The following PTPRH variants were observed in gnomAD, a reference collection of about 807,000 sequenced individuals.
PTPRH encodes the protein protein tyrosine phosphatase receptor type H, also known as receptor-type tyrosine-protein phosphatase H.
Under a neutral mutation model 130.2 loss-of-function variants are expected in PTPRH, and 113 were observed. That is an observed-to-expected ratio of 0.87 (90% confidence interval 0.75 to 1.01). The LOEUF is 1.01. Among genes scored for constraint, PTPRH ranks in the 50% least tolerant of loss-of-function variants. The pLI, the probability that PTPRH is intolerant of heterozygous loss-of-function variation, is 0.00. For synonymous variants in PTPRH, 556 were observed against 577.9 expected, an observed-to-expected ratio of 0.96 and a Z score of 0.54; for missense variants, 1,430 against 1,425.0, an observed-to-expected ratio of 1.00 and a Z score of -0.06.
At chr19:55,198,596 C>T (rs779408022) in intron 8 of PTPRH, 47 bp downstream of exon 8, 3 of 1,497,320 alleles carry the variant, frequency 2.0e-6, no homozygotes, top group East Asian at 2.4e-5. Flanking sequence ...CATCTTTTTC[C>T]TTCCCCCATC....
intron 10 of PTPRH, 92 bp from the exon 11 acceptor site, chr19:55,191,833 G>T: frequency 8.7e-7 from 1 of 1,153,218 alleles, no homozygotes; most frequent in Non-Finnish European, 1.3e-6. Context: ...TTCCCCAGGA[G>T]CCTGGTCCAA....
intron 5 of PTPRH, among the ~76,000 whole-genome samples, chr19:55,203,151 A>AC (rs560985817): frequency 0.012 from 1,813 of 149,594 alleles, 18 homozygotes; most frequent in Non-Finnish European, 0.017. Flanking sequence ...ACACGGTGAA[A>AC]CCCGTCTCTA....
intron 10 of PTPRH, among the ~76,000 whole-genome samples, chr19:55,194,930 G>C (rs905197069): frequency 6.6e-6 from 1 of 152,202 alleles, no homozygotes; most frequent in Admixed American, 6.5e-5. Context: ...GCTCACACCT[G>C]TAATCCCAAC....
At position 55,198,905 on chromosome 19, in the gene PTPRH, G is replaced by A. The variant is rs200235263; in HGVS notation, c.1428C>T (p.Asn476=). The part of the protein sequence containing the change: ...RQNVSISTVP[N]AVTSLSKQDW... ...CCTGCTTGCTGAGGCTTGTCACTGC[G>A]TTGGGGACTGGGAGAGGGAGCAGAG... The change falls in exon 8 of 20, where the codon AAC becomes AAT. Residue 476 remains asparagine (N), a synonymous_variant. Transcript: ENST00000376350. 233 of 1,514,180 alleles carry A rather than the reference G, an allele frequency of 1.5e-4. 1 individual carries two copies. The highest frequency in any genetic ancestry group is 1.2e-3 in the East Asian group (52 of 43,274). 93.8% of individuals were successfully genotyped at this position (1,514,180 alleles called of 1,614,324 possible).
chr19:55,203,718 C>T (rs1479890945), intron 5 of PTPRH, 64 bp downstream of exon 5: 3 of 1,512,222 alleles, frequency 2.0e-6, no homozygotes, highest in African/African-American at 1.4e-5. Context: ...TTTGTCAGCT[C>T]CCAACCACCC....
chr19:55,183,880 G>A (rs1305017512), intron 18 of PTPRH, among the ~76,000 whole-genome samples: 2 of 152,124 alleles, frequency 1.3e-5, no homozygotes, highest in African/African-American at 2.4e-5. Flanking sequence ...ACCCTCCAGG[G>A]CCTGGAAGCT....
chr19:55,196,977 G>T, intron 9 of PTPRH, 140 bp downstream of exon 9: 1 of 1,209,798 alleles, frequency 8.3e-7, no homozygotes. Context: ...CTCCCATGAG[G>T]CCTTGGGCTC....
At chr19:55,198,099 C>A (rs1050241949) in intron 8 of PTPRH, among the ~76,000 whole-genome samples, 1 of 152,104 alleles carries the variant, frequency 6.6e-6, no homozygotes, top group Non-Finnish European at 1.5e-5. Context: ...TGTTTGTGGT[C>A]CCAGCTACTC....
At position 55,196,588 on chromosome 19, in the gene PTPRH, T is replaced by C. The variant is rs768389303; in HGVS notation, c.2191A>G (p.Ile731Val). Residue 731 changes from isoleucine (I) to valine (V), a missense_variant, in exon 10 of 20, where the codon ATC becomes GTC. Ile to Val is a conservative substitution (Grantham distance 29, BLOSUM62 3). Coordinates refer to ENST00000376350, the MANE Select transcript of PTPRH (RefSeq NM_002842.5). The part of the protein sequence containing the change: ...LGPARSYPAT[I>V]TTIWDGMKVV... Reference sequence around the variant, plus strand: ...TTCATTCCGTCCCAGATGGTCGTGATGGTGGCTGGGTAGGACCGAGCCGGC... The same window carrying C: ...TTCATTCCGTCCCAGATGGTCGTGACGGTGGCTGGGTAGGACCGAGCCGGC... 5.6e-6 allele frequency: 9 copies of C among 1,613,682 alleles called. No homozygotes were observed. Among genetic ancestry groups the C allele is most frequent in the South Asian group, 5.5e-5 (5 of 91,040 alleles).
intron 3 of PTPRH, 115 bp from the exon 4 acceptor site, chr19:55,205,707 G>A: frequency 1.4e-6 from 2 of 1,452,098 alleles, no homozygotes; most frequent in South Asian, 1.4e-5. Flanking sequence ...GCTCTGCACT[G>A]TCCAGTGTGG....
rs986976606 is a variant in PTPRH at position 55,181,762 on chromosome 19, C to A, written c.3340G>T (p.Glu1114Ter). 1 of 1,614,130 alleles carries A rather than the reference C, an allele frequency of 6.2e-7. No individual in the cohort carries two copies. The highest frequency in any genetic ancestry group is 8.5e-7 in the Non-Finnish European group (1 of 1,180,048). ...CCCAGCCCCCTCGTCACTTAGACCT[C>A]CAACTTGTGGGCCTGGATGGCGGCC... ...NVAAIQAHKL[E>*]V Residue 1114 changes from glutamate to a stop codon, truncating the protein, a stop_gained, in exon 20 of 20, where the codon GAG (glutamate) becomes TAG (stop). Coordinates refer to ENST00000376350, the MANE Select transcript of PTPRH (RefSeq NM_002842.5). LOFTEE classifies it high-confidence loss of function.
chr19:55,187,690 G>A (rs930999828), intron 13 of PTPRH, 87 bp from the exon 14 acceptor site: 124 of 939,280 alleles, frequency 1.3e-4, no homozygotes, highest in Non-Finnish European at 1.4e-4. Flanking sequence ...TGCCTTCTTC[G>A]GCATCACCCC....
intron 18 of PTPRH, among the ~76,000 whole-genome samples, chr19:55,182,685 G>A (rs1279398380): frequency 6.6e-6 from 1 of 152,198 alleles, no homozygotes; most frequent in Non-Finnish European, 1.5e-5. Context: ...TGAGTGAGGT[G>A]AAGTCCCATT....
intron 6 of PTPRH, 106 bp downstream of exon 6, chr19:55,201,950 G>T: frequency 6.6e-7 from 1 of 1,519,532 alleles, no homozygotes; most frequent in Non-Finnish European, 8.9e-7. Flanking sequence ...TGAGTACCTG[G>T]CTCAATATGG....
rs772668187 is a variant in PTPRH, at chr19:55,203,985, C to T, written c.683G>A (p.Trp228Ter). The stretch of plus-strand genomic sequence containing the variant: ...TGGGTCTGTGCCATCGGGGACCTCC[C>T]AGCTCAGGGAGATGGAGCTGGTGGT... Reference protein sequence around the residue: ...AQTTSSISLSWEVPDGTDPQN... With the variant: ...AQTTSSISLS Residue 228 changes from tryptophan (W) to a stop codon, truncating the protein, a stop_gained, in exon 5 of 20, where the codon TGG (tryptophan) becomes TAG (stop). Coordinates refer to ENST00000376350, the MANE Select transcript of PTPRH (RefSeq NM_002842.5). LOFTEE classifies it high-confidence loss of function. The T allele has an allele frequency of 1.3e-5, 21 of 1,614,088 alleles. No individual in the cohort carries two copies. Among genetic ancestry groups the T allele is most frequent in the Middle Eastern group, 3.3e-4 (2 of 6,084 alleles).
At chr19:55,205,283 C>A (rs1409269667) in intron 4 of PTPRH, 43 bp downstream of exon 4, 1 of 1,610,844 alleles carries the variant, frequency 6.2e-7, no homozygotes, top group African/African-American at 1.3e-5. Flanking sequence ...GCCTACTGCC[C>A]CTTAAACAAG....
intron 1 of PTPRH, among the ~76,000 whole-genome samples, chr19:55,207,731 C>G (rs1447318933): frequency 5.0e-5 from 1 of 20,094 alleles, no homozygotes; most frequent in East Asian, 8.7e-4. Context: ...CTGGGGGTCT[C>G]GACCTCTGGT....
chr19:55,199,755 AAG>A (rs535057792), intron 7 of PTPRH, among the ~76,000 whole-genome samples: 1,216 of 112,474 alleles, frequency 0.011, 14 homozygotes, highest in Middle Eastern at 0.023. Flanking sequence ...GAAGGAAAGA[AAG>A]AGAAAGAGAA....
At chr19:55,191,449 C>A in intron 12 of PTPRH, 52 bp downstream of exon 12, 1 of 1,600,096 alleles carries the variant, frequency 6.2e-7, no homozygotes, top group Non-Finnish European at 8.6e-7. Context: ...CAGCAAACAC[C>A]CCTTGATTTG....
Sources: allele counts gnomAD v4.1 joint callset (sites outside exome capture counted in the v4.1 genomes callset), GRCh38; gene constraint gnomAD v4.1.1; transcripts MANE v1.5; gene names NCBI Gene and HGNC (gene_info 2026-07-23, HGNC 2026-07-21).